SON: variants seen among roughly 807,000 people sequenced by gnomAD.
SON encodes SON DNA and RNA binding protein, also known as protein SON.
SON carries 4 observed loss-of-function variants against 173.3 expected under a neutral mutation model. That is an observed-to-expected ratio of 0.02 (90% CI 0.01 to 0.05). The LOEUF is 0.05. Ranked by LOEUF, SON falls within the 10% of genes least tolerant of loss-of-function variation. SON has a pLI of 1.00. For synonymous variants in SON, 1,190 were observed against 1,105.9 expected, an observed-to-expected ratio of 1.08 and a Z score of -1.51; for missense variants, 2,626 against 3,055.3, an observed-to-expected ratio of 0.86 and a Z score of 3.31.
Position 33,553,947 on chromosome 21 carries a change from T to C in SON, c.4716T>C (p.Thr1572=), listed in dbSNP as rs1187886141. ...AGAAAATTTTGCCCACCAGTGAGACTAAACAGCGCACAGTATTGGATACCT... is the reference window on the plus strand; with the variant it reads ...AGAAAATTTTGCCCACCAGTGAGACCAAACAGCGCACAGTATTGGATACCT... ...GEEKILPTSE[T]KQRTVLDTYP... The change falls in exon 3 of 12, where the codon ACT becomes ACC. Residue 1572 remains threonine (T), a synonymous_variant. Transcript: ENST00000356577. The C allele has an allele frequency of 1.2e-6, 2 of 1,614,150 alleles. No homozygotes were observed. Among genetic ancestry groups the C allele is most frequent in the East Asian group, 4.5e-5 (2 of 44,872 alleles).
Position 33,549,888 on chromosome 21 carries a change from A to G in SON, c.657A>G (p.Thr219=), listed in dbSNP as rs556021439. ...CTGCAGAACTGTCAGTTGTATCTAC[A>G]TCAGTAATCTCAGAGCAGTCAGAGC... ...TKTAELSVVS[T]SVISEQSEQS... Residue 219 remains threonine, a synonymous_variant, in exon 3 of 12, where the codon ACA becomes ACG. Transcript: ENST00000356577. The G allele has an allele frequency of 4.9e-4, 795 of 1,614,258 alleles. 14 individuals carry two copies. The South Asian group carries it at 8.3e-3, about 17-fold the overall frequency.
intron 6 of SON, among the ~76,000 whole-genome samples, chr21:33,565,206 G>T (rs2086144733): frequency 6.6e-6 from 1 of 152,148 alleles, no homozygotes; most frequent in South Asian, 2.1e-4. Context: ...TATTCTAGAA[G>T]TTATATTTTA....
At chr21:33,543,550 C>T (rs1223986264) in intron 1 of SON, 3 of 253,550 alleles carry the variant, frequency 1.2e-5, no homozygotes, top group Non-Finnish European at 2.4e-5. Flanking sequence ...CTCTCGCCTC[C>T]GCGGATTTTG....
Position 33,555,090 on chromosome 21 carries a change from AAGCCGCCGCAGCCGCACCCCC to A in SON, c.5931_5951del (p.Ser1992_Arg1998del), listed in dbSNP as rs1462103775. 0.012 allele frequency: 19,329 copies of A among 1,583,700 alleles called. 1,780 individuals carry two copies. Among genetic ancestry groups the A allele is most frequent in the Non-Finnish European group, 0.012 (14,053 of 1,167,222 alleles). On this transcript the variant is annotated inframe_deletion, in exon 3 of 12. Coordinates refer to ENST00000356577, the MANE Select transcript of SON (RefSeq NM_138927.4). ...GAAGAAGGAGCTTTAGCATTTCCCC[AAGCCGCCGCAGCCGCACCCCC>A]AGCCGCCGCAGCCGCACCCCCAGCC...
At chr21:33,567,434 G>A in intron 7 of SON, 167 bp downstream of exon 7, 1 of 591,610 alleles carries the variant, frequency 1.7e-6, no homozygotes, top group East Asian at 2.8e-5. Context: ...TTCGAGGCCT[G>A]ATCATTTATT....
intron 10 of SON, 44 bp from the exon 11 acceptor site, chr21:33,575,734 G>A: frequency 1.9e-6 from 3 of 1,571,214 alleles, no homozygotes; most frequent in Non-Finnish European, 2.6e-6. Flanking sequence ...TGTTGCAGAA[G>A]TTGGTGGAAA....
chr21:33,549,399 G>A lies in SON; in HGVS notation c.245-77G>A. 13 of 1,279,220 alleles carry A rather than the reference G, an allele frequency of 1.0e-5. No homozygotes were observed. The South Asian group carries it at 1.8e-4, about 17-fold the overall frequency. The allele number at this position is 1,279,220 out of a possible 1,614,324, so 79.2% of individuals were successfully genotyped here. On this transcript the variant is annotated intron_variant, in intron 2 of 11. Transcript: ENST00000356577. Reference sequence around the variant, plus strand: ...GTACTAAGGTGTTTTAACATGGAATGTAAATATGGGTTTATATGATTTAAT... The same window carrying A: ...GTACTAAGGTGTTTTAACATGGAATATAAATATGGGTTTATATGATTTAAT...
Position 33,554,375 on chromosome 21 carries a change from C to A in SON, c.5144C>A (p.Thr1715Lys). Residue 1715 changes from threonine (T) to lysine (K), a missense_variant, in exon 3 of 12, where the codon ACA (threonine) becomes AAA (lysine). Coordinates refer to ENST00000356577, the MANE Select transcript of SON (RefSeq NM_138927.4). Reference sequence around the variant, plus strand: ...GAAGTACCTCCCCCTCCTAAAGAGACACTGCCTGATTCAGGATTTTCTGCC... The same window carrying A: ...GAAGTACCTCCCCCTCCTAAAGAGAAACTGCCTGATTCAGGATTTTCTGCC... ...EKEVPPPPKE[T>K]LPDSGFSANI... The A allele has an allele frequency of 2.5e-6, 4 of 1,614,190 alleles. No individual in the cohort carries two copies. Among genetic ancestry groups the A allele is most frequent in the Non-Finnish European group, 3.4e-6 (4 of 1,180,010 alleles).
chr21:33,547,815 C>T (rs552164617), intron 2 of SON, among the ~76,000 whole-genome samples: 3 of 146,644 alleles, frequency 2.0e-5, no homozygotes, highest in East Asian at 4.2e-4. Flanking sequence ...CCCGGGTTCA[C>T]GCCATTGTCC....
At chr21:33,562,158 C>T (rs1033161951) in intron 6 of SON, among the ~76,000 whole-genome samples, 1 of 151,852 alleles carries the variant, frequency 6.6e-6, no homozygotes, top group African/African-American at 2.4e-5. Context: ...ATTTAGTGAC[C>T]ATCTAAATAT....
intron 6 of SON, among the ~76,000 whole-genome samples, chr21:33,563,905 T>G (rs1342410062): frequency 6.6e-6 from 1 of 152,180 alleles, no homozygotes; most frequent in African/African-American, 2.4e-5. Context: ...CAGTTTTTAT[T>G]TACCTGAGAT....
At position 33,564,021 on chromosome 21, in the gene SON, AT is replaced by A. The variant is rs1485150322; in HGVS notation, c.6658-3131del. Among the ~76,000 whole-genome samples, 5 of 152,284 alleles carry A rather than the reference AT, an allele frequency of 3.3e-5. No individual in the cohort carries two copies. In the East Asian group the frequency reaches 9.6e-4, roughly 29 times the overall value. On this transcript the variant is annotated intron_variant, in intron 6 of 11. Transcript: ENST00000356577. ...ATACCTAGAATATTACTACAGAATT[AT>A]TTTTATACACTAGGTAACATGCTAG... is the stretch of plus-strand genomic sequence containing the variant.
intron 6 of SON, among the ~76,000 whole-genome samples, chr21:33,565,396 A>G (rs560591667): frequency 6.6e-6 from 1 of 152,314 alleles, no homozygotes; most frequent in South Asian, 2.1e-4. Flanking sequence ...AGGAAAAGCA[A>G]AGTAAGTGTG....
chr21:33,574,070 C>A (rs2086346683), intron 9 of SON, among the ~76,000 whole-genome samples: 1 of 152,160 alleles, frequency 6.6e-6, no homozygotes, highest in East Asian at 1.9e-4. Flanking sequence ...AGCACTGTGT[C>A]TTCTATGTAG....
intron 6 of SON, among the ~76,000 whole-genome samples, chr21:33,562,493 CTT>C (rs2086087768): frequency 6.6e-6 from 1 of 152,186 alleles, no homozygotes; most frequent in Non-Finnish European, 1.5e-5. Flanking sequence ...GCTGAATTAG[CTT>C]TGCTGTAATC....
chr21:33,575,962 C>T lies in SON; in HGVS notation c.7221+69C>T, dbSNP rs914232543. The T allele has an allele frequency of 4.0e-6, 3 of 744,462 alleles. No homozygotes were observed. The African/African-American group carries it at 5.4e-5, about 13-fold the overall frequency. The allele number at this position is 744,462 out of a possible 1,614,324, so 46.1% of individuals were successfully genotyped here. On this transcript the variant is annotated intron_variant, in intron 11 of 11. Coordinates refer to ENST00000356577, the MANE Select transcript of SON (RefSeq NM_138927.4). ...GATGACTTAGAGGGTGAGGGGTAAA[C>T]ATGATCACAGGATTAAGATTCTGTT...
intron 9 of SON, among the ~76,000 whole-genome samples, chr21:33,574,717 C>A (rs919166449): frequency 6.6e-6 from 1 of 152,160 alleles, no homozygotes; most frequent in South Asian, 2.1e-4. Context: ...CACTTCTGGT[C>A]CCAAGCATTT....
In SON at chr21:33,543,175, CG is replaced by C; in HGVS notation, c.77+7del. On this transcript the variant is annotated splice_region_variant and intron_variant, in intron 1 of 11. Coordinates refer to ENST00000356577, the MANE Select transcript of SON (RefSeq NM_138927.4). ...ATTCAACAGGAGCTTTCCAGGTAAA[CG>C]CCTCCCAGATTCTTCTGCTCCCAAC... 6.2e-7 allele frequency: 1 copy of C among 1,612,062 alleles called. No individual in the cohort carries two copies. Among genetic ancestry groups the C allele is most frequent in the Non-Finnish European group, 8.5e-7 (1 of 1,178,114 alleles).
chr21:33,549,417 G>T (rs2085700922), intron 2 of SON, 59 bp from the exon 3 acceptor site: 5 of 1,389,952 alleles, frequency 3.6e-6, no homozygotes, highest in Non-Finnish European at 4.9e-6. Context: ...GGGTTTATAT[G>T]ATTTAATCTA....
Sources: gnomAD v4.1 joint callset for allele counts (sites outside exome capture counted in the v4.1 genomes callset) on GRCh38, gnomAD v4.1.1 for gene constraint, MANE v1.5 for transcripts, NCBI Gene and HGNC (gene_info 2026-07-23, HGNC 2026-07-21) for gene names.